The following TGM3 variants were observed in gnomAD, a reference collection of about 807,000 sequenced individuals.
The protein encoded by TGM3 is protein-glutamine gamma-glutamyltransferase E.
A neutral mutation model predicts 73.8 loss-of-function variants in TGM3; 52 were observed. That is an observed-to-expected ratio of 0.70 (90% confidence interval 0.56 to 0.89). TGM3 has a LOEUF of 0.89. TGM3 is among the 40% of genes least tolerant of loss of function. TGM3 has a pLI of 0.00. For synonymous variants in TGM3, 372 were observed against 354.9 expected (o/e 1.05, Z -0.54); for missense variants, 928 against 909.9 (o/e 1.02, Z -0.26).
Position 2,311,066 on chromosome 20 carries a change from T to G in TGM3, c.477T>G (p.Asp159Glu). 6.2e-7 allele frequency: 1 copy of G among 1,614,148 alleles called. No individual in the cohort carries two copies. Among genetic ancestry groups the G allele is most frequent in the Non-Finnish European group, 8.5e-7 (1 of 1,180,006 alleles). Reference protein sequence around the residue: ...HAEREEYVQEDAGIIFVGSTN... With the variant: ...HAEREEYVQEEAGIIFVGSTN... ...AGAGAGAAGAGTATGTTCAGGAAGATGCCGGCATCATCTTTGTGGGAAGCA... is the reference window on the plus strand; with the variant it reads ...AGAGAGAAGAGTATGTTCAGGAAGAGGCCGGCATCATCTTTGTGGGAAGCA... The change falls in exon 4 of 13, where the codon GAT (aspartate) becomes GAG (glutamate). Residue 159 changes from aspartate to glutamate, a missense_variant. By Grantham distance (45) the Asp-to-Glu change is conservative (BLOSUM62 2). Transcript: ENST00000381458.
Position 2,313,074 on chromosome 20 carries a change from C to T in TGM3, c.669+48C>T, listed in dbSNP as rs755320228. On this transcript the variant is annotated intron_variant, in intron 5 of 12. Transcript: ENST00000381458. The stretch of plus-strand genomic sequence containing the variant: ...CAGCTAGTTGTCATCATATATTGAA[C>T]ACCACCTATGAGCTAGGCACGCACA... 2.5e-6 allele frequency: 4 copies of T among 1,611,684 alleles called. No individual in the cohort carries two copies. The South Asian group carries it at 4.4e-5, about 18-fold the overall frequency.
Position 2,332,433 on chromosome 20 carries a change from G to C in TGM3, c.1642+123G>C. On this transcript the variant is annotated intron_variant, in intron 10 of 12. Transcript: ENST00000381458. This position sits in a 1 kb window ranked among gnomAD's most constrained non-coding sequence, Gnocchi z 4.4. Reference sequence around the variant, plus strand: ...ACGAATGGAGCAGCCAGCGGCCCCTGTGGTTAAGCCATGTATTAATGCTTT... The same window carrying C: ...ACGAATGGAGCAGCCAGCGGCCCCTCTGGTTAAGCCATGTATTAATGCTTT... The C allele has an allele frequency of 2.1e-6, 2 of 948,296 alleles. No individual in the cohort carries two copies. Among genetic ancestry groups the C allele is most frequent in the Non-Finnish European group, 3.1e-6 (2 of 653,498 alleles). 58.7% of individuals were successfully genotyped at this position (948,296 alleles called of 1,614,324 possible). A position where few individuals can be genotyped will look rare whatever the true frequency, so the allele number is the denominator to read the frequency against.
In TGM3 at chr20:2,332,323, G is replaced by A. The variant is rs377488152; in HGVS notation, c.1642+13G>A. The stretch of plus-strand genomic sequence containing the variant: ...GACCCTGAGGAAGGTAACGCATCCC[G>A]CAGTTGGAGGAGATCCACGAATCCG... On this transcript the variant is annotated intron_variant, in intron 10 of 12. Coordinates refer to ENST00000381458, the MANE Select transcript of TGM3 (RefSeq NM_003245.4). The surrounding 1 kb of genome is among the most constrained non-coding windows in gnomAD (Gnocchi z 4.4). 41 of 1,560,358 alleles carry A rather than the reference G, an allele frequency of 2.6e-5. No individual in the cohort carries two copies. The highest frequency in any genetic ancestry group is 2.0e-4 in the African/African-American group (15 of 73,576).
At chr20:2,316,530 C>G (rs918853843) in intron 5 of TGM3, among the ~76,000 whole-genome samples, 1 of 151,174 alleles carries the variant, frequency 6.6e-6, no homozygotes, top group African/African-American at 2.4e-5. Context: ...CCACTGCACT[C>G]CAGCCAGGGC....
At chr20:2,300,814 C>G (rs547304553) in intron 1 of TGM3, among the ~76,000 whole-genome samples, 1 of 152,184 alleles carries the variant, frequency 6.6e-6, no homozygotes, top group Non-Finnish European at 1.5e-5. Flanking sequence ...AAGCTCAAAG[C>G]CTCTTCTGCT....
At chr20:2,333,017 A>T (rs1006689673) in intron 10 of TGM3, among the ~76,000 whole-genome samples, 3 of 152,174 alleles carry the variant, frequency 2.0e-5, no homozygotes, top group Non-Finnish European at 2.9e-5. Flanking sequence ...GGTAGCAGGG[A>T]TGGGAAGGGA....
intron 1 of TGM3, among the ~76,000 whole-genome samples, chr20:2,296,630 AAG>A (rs1227888925): frequency 2.0e-5 from 3 of 152,158 alleles, no homozygotes; most frequent in African/African-American, 7.2e-5. Flanking sequence ...GGCTCTGTGT[AAG>A]TGACTTGATG....
At chr20:2,307,576 C>G (rs570067768) in intron 1 of TGM3, among the ~76,000 whole-genome samples, 11 of 152,182 alleles carry the variant, frequency 7.2e-5, no homozygotes, top group African/African-American at 2.6e-4. Context: ...TTTTTGCCTG[C>G]CTGCATCTCT....
At chr20:2,313,152 G>C in intron 5 of TGM3, 126 bp downstream of exon 5, 1 of 1,360,108 alleles carries the variant, frequency 7.4e-7, no homozygotes, top group Non-Finnish European at 1.0e-6. Flanking sequence ...CTGGTGGTTA[G>C]AACCATCCAC....
chr20:2,339,591 G>A (rs1402032011), intron 11 of TGM3, among the ~76,000 whole-genome samples: 2 of 152,252 alleles, frequency 1.3e-5, no homozygotes, highest in East Asian at 3.9e-4. Context: ...CAGTGTTGTT[G>A]GCTGCTGCAG....
At position 2,340,484 on chromosome 20, in the gene TGM3, T is replaced by C. The variant is rs758922992; in HGVS notation, c.1985T>C (p.Leu662Pro). Residue 662 changes from leucine (L) to proline (P), a missense_variant, in exon 13 of 13, where the codon CTG becomes CCG. Physicochemically the swap from Leu to Pro is moderately conservative, Grantham distance 98 (BLOSUM62 -3). Coordinates refer to ENST00000381458, the MANE Select transcript of TGM3 (RefSeq NM_003245.4). ...GGGTCCCGGGTCCGTTTTGATATCC[T>C]GCCCTCCCGGAGTGGCACCAAGCAA... ...KEGSRVRFDI[L>P]PSRSGTKQLL... is the part of the protein sequence containing the mutation. 2 of 1,614,186 alleles carry C rather than the reference T, an allele frequency of 1.2e-6. No individual in the cohort carries two copies. The highest frequency in any genetic ancestry group is 2.2e-5 in the South Asian group (2 of 91,086).
Position 2,325,867 on chromosome 20 carries a change from T to A in TGM3, c.1002T>A (p.Asn334Lys). The A allele has an allele frequency of 6.4e-7, 1 of 1,570,352 alleles. No homozygotes were observed. Among genetic ancestry groups the A allele is most frequent in the Non-Finnish European group, 8.6e-7 (1 of 1,156,326 alleles). The change falls in exon 8 of 13, where the codon AAT becomes AAA. Residue 334 changes from asparagine to lysine, a missense_variant. By Grantham distance (94) the Asn-to-Lys change is moderately conservative (BLOSUM62 0). Transcript: ENST00000381458. ...SDSVWNFHVW[N>K]EGWFVRSDLG... is the part of the protein sequence containing the mutation. Reference sequence around the variant, plus strand: ...TCTGCAGGAATTTCCATGTCTGGAATGAAGGCTGGTTTGTGAGGTCTGACC... The same window carrying A: ...TCTGCAGGAATTTCCATGTCTGGAAAGAAGGCTGGTTTGTGAGGTCTGACC...
chr20:2,336,734 A>C (rs2013952), intron 11 of TGM3, among the ~76,000 whole-genome samples: 48,555 of 151,356 alleles, frequency 0.32, 8,452 homozygotes, highest in East Asian at 0.46. Flanking sequence ...GGGGCTGAGA[A>C]GGGCAGTCGT....
chr20:2,310,095 A>G lies in TGM3; in HGVS notation c.182-83A>G. Reference sequence around the variant, plus strand: ...GGCGCTTCATTGGCTCATGTCCCCCAGAGGGGGGTTGTATTGGAACCTGGT... The same window carrying G: ...GGCGCTTCATTGGCTCATGTCCCCCGGAGGGGGGTTGTATTGGAACCTGGT... On this transcript the variant is annotated intron_variant, in intron 2 of 12. Transcript: ENST00000381458. 16 of 1,571,570 alleles carry G rather than the reference A, an allele frequency of 1.0e-5. No homozygotes were observed. In the South Asian group the frequency reaches 1.9e-4, roughly 18 times the overall value.
At chr20:2,299,834 A>C (rs1275529772) in intron 1 of TGM3, among the ~76,000 whole-genome samples, 2 of 152,222 alleles carry the variant, frequency 1.3e-5, no homozygotes, top group African/African-American at 4.8e-5. Flanking sequence ...GCAATGGCTC[A>C]CGCCTGTAAT....
intron 1 of TGM3, among the ~76,000 whole-genome samples, chr20:2,307,632 T>A (rs2084182536): frequency 1.3e-5 from 2 of 152,276 alleles, no homozygotes; most frequent in Admixed American, 6.5e-5. Context: ...TCATGATCAC[T>A]TATGCTTGTC....
At chr20:2,309,591 A>T in intron 1 of TGM3, 66 bp from the exon 2 acceptor site, 1 of 1,562,290 alleles carries the variant, frequency 6.4e-7, no homozygotes, top group South Asian at 1.1e-5. Flanking sequence ...TTGGTAACTT[A>T]CACCCTTCCC....
chr20:2,338,964 T>G (rs1242622181), intron 11 of TGM3, among the ~76,000 whole-genome samples: 1 of 152,262 alleles, frequency 6.6e-6, no homozygotes, highest in African/African-American at 2.4e-5. Flanking sequence ...CTTTCATCTT[T>G]TGGTCTGAAT....
intron 7 of TGM3, among the ~76,000 whole-genome samples, chr20:2,319,452 C>T (rs117838125): frequency 2.0e-5 from 3 of 152,230 alleles, no homozygotes; most frequent in African/African-American, 4.8e-5. Flanking sequence ...ACCAGGAACT[C>T]GGAGGAAATC....
Sources: allele counts gnomAD v4.1 joint callset (sites outside exome capture counted in the v4.1 genomes callset), GRCh38; gene constraint gnomAD v4.1.1; non-coding constraint Gnocchi (gnomAD v3.1); transcripts MANE v1.5; gene names NCBI Gene and HGNC (gene_info 2026-07-23, HGNC 2026-07-21).